KDM2A: variants seen among roughly 807,000 people sequenced by gnomAD.
KDM2A encodes lysine demethylase 2A, also known as lysine-specific demethylase 2A.
KDM2A carries 3 observed loss-of-function variants against 137.3 expected under a neutral mutation model. The ratio of observed to expected loss-of-function variants is 0.02; its 90% CI spans 0.01 to 0.06. The LOEUF (loss-of-function observed/expected upper bound fraction) is 0.06. Ranked by LOEUF, KDM2A falls within the 10% of genes least tolerant of loss-of-function variation. KDM2A has a pLI of 1.00. For missense variants in KDM2A, 738 were observed against 1,510.6 expected, an observed-to-expected ratio of 0.49 and a Z score of 8.48; for synonymous variants, 512 against 541.5, an observed-to-expected ratio of 0.95 and a Z score of 0.76.
intron 2 of KDM2A, among the ~76,000 whole-genome samples, chr11:67,122,613 G>C (rs920005045): frequency 1.3e-5 from 2 of 151,584 alleles, no homozygotes; most frequent in Non-Finnish European, 2.9e-5. Flanking sequence ...GTGAGCCACC[G>C]CGCCTGGCCA....
chr11:67,243,198 G>A (rs1003536775), intron 13 of KDM2A, 106 bp downstream of exon 13: 1 of 754,616 alleles, frequency 1.3e-6, no homozygotes, highest in Non-Finnish European at 2.3e-6. Context: ...GGCTTTTGGT[G>A]CATTAATACA....
chr11:67,239,161 A>G (rs1438780305), intron 12 of KDM2A, among the ~76,000 whole-genome samples: 1 of 152,230 alleles, frequency 6.6e-6, no homozygotes, highest in African/African-American at 2.4e-5. Flanking sequence ...CAAGAGTACA[A>G]TACTGGTATT....
chr11:67,197,456 G>C (rs1463462674), intron 5 of KDM2A, among the ~76,000 whole-genome samples: 1 of 152,224 alleles, frequency 6.6e-6, no homozygotes, highest in Non-Finnish European at 1.5e-5. Context: ...GGGATTACAG[G>C]CGTGAGCCAC....
At chr11:67,139,957 G>T (rs1178067184) in intron 2 of KDM2A, among the ~76,000 whole-genome samples, 1 of 151,970 alleles carries the variant, frequency 6.6e-6, no homozygotes. Flanking sequence ...GTGCATCTTG[G>T]CCTTCCACAG....
intron 2 of KDM2A, among the ~76,000 whole-genome samples, chr11:67,147,470 A>G (rs957303729): frequency 1.5e-4 from 22 of 150,926 alleles, no homozygotes; most frequent in Admixed American, 7.3e-4. Context: ...TGAACCTGGG[A>G]GGTGGAGCTT....
At chr11:67,247,091 T>TTTTTA in intron 15 of KDM2A, among the ~76,000 whole-genome samples, 1 of 103,034 alleles carries the variant, frequency 9.7e-6, no homozygotes, top group Admixed American at 1.0e-4. Context: ...TTTTTTTTTT[T>TTTTTA]TTTTTTTTTT....
At chr11:67,181,220 C>T in intron 3 of KDM2A, 100 bp from the exon 4 acceptor site, 2 of 647,752 alleles carry the variant, frequency 3.1e-6, no homozygotes, top group South Asian at 2.4e-5. Context: ...CACAGAATAA[C>T]AAACACCATT....
chr11:67,161,353 C>T (rs1313802280), intron 2 of KDM2A, among the ~76,000 whole-genome samples: 1 of 152,064 alleles, frequency 6.6e-6, no homozygotes, highest in Non-Finnish European at 1.5e-5. Context: ...TGGAGAGTAT[C>T]TAGTGTATCA....
chr11:67,246,742 T>C (rs1041566136), intron 15 of KDM2A, among the ~76,000 whole-genome samples: 2 of 152,018 alleles, frequency 1.3e-5, no homozygotes, highest in Admixed American at 1.3e-4. Flanking sequence ...AAATCATGAC[T>C]GTCGCCTGAC....
intron 12 of KDM2A, chr11:67,239,907 C>G (rs1159503517): frequency 5.6e-6 from 2 of 354,902 alleles, no homozygotes; most frequent in African/African-American, 2.2e-5. Context: ...TGGCTGAGCT[C>G]TCCTCCCTGG....
At chr11:67,142,848 G>A (rs892425128) in intron 2 of KDM2A, among the ~76,000 whole-genome samples, 1 of 151,738 alleles carries the variant, frequency 6.6e-6, no homozygotes, top group Non-Finnish European at 1.5e-5. Context: ...ATTATATGAA[G>A]TAAATAGTGG....
At chr11:67,147,369 C>T (rs368007948) in intron 2 of KDM2A, among the ~76,000 whole-genome samples, 13 of 151,752 alleles carry the variant, frequency 8.6e-5, no homozygotes, top group African/African-American at 2.2e-4. Flanking sequence ...GGTGAAACCC[C>T]GTCTCTACTA....
chr11:67,187,916 CT>C (rs1186138655), intron 5 of KDM2A, among the ~76,000 whole-genome samples: 1 of 152,076 alleles, frequency 6.6e-6, no homozygotes, highest in Non-Finnish European at 1.5e-5. Flanking sequence ...CAAGAGGGGC[CT>C]GGTATGGTGC....
intron 2 of KDM2A, among the ~76,000 whole-genome samples, chr11:67,143,556 A>G (rs1480873537): frequency 6.6e-6 from 1 of 151,516 alleles, no homozygotes; most frequent in Non-Finnish European, 1.5e-5. Context: ...CTTCCTAATC[A>G]CTACTTTTTC....
chr11:67,127,951 C>G (rs1006751807), intron 2 of KDM2A, among the ~76,000 whole-genome samples: 20 of 149,360 alleles, frequency 1.3e-4, no homozygotes, highest in Admixed American at 1.3e-3. Context: ...GGCAGGCGAT[C>G]TGCCTGCCTC....
chr11:67,152,388 T>C lies in KDM2A; in HGVS notation c.43-27691T>C, dbSNP rs575032827. Among the ~76,000 whole-genome samples the C allele has an allele frequency of 3.9e-5, 6 of 152,038 alleles. No individual in the cohort carries two copies. In the East Asian group the frequency reaches 1.2e-3, roughly 30 times the overall value. ...TCCAAGTATTTTGCGAGGCTGAGGT[T>C]GGAGGGTCGTTTGAGACCAGCCTGG... is the stretch of plus-strand genomic sequence containing the variant. On this transcript the variant is annotated intron_variant, in intron 2 of 20. Coordinates refer to ENST00000529006, the MANE Select transcript of KDM2A (RefSeq NM_012308.3).
At chr11:67,220,102 C>T (rs1252379236) in intron 10 of KDM2A, among the ~76,000 whole-genome samples, 3 of 151,466 alleles carry the variant, frequency 2.0e-5, no homozygotes, top group Admixed American at 6.6e-5. Context: ...CCTCAACCTC[C>T]CTGGGCTCAG....
chr11:67,217,932 T>TG, intron 9 of KDM2A, 48 bp downstream of exon 9: 1 of 1,487,948 alleles, frequency 6.7e-7, no homozygotes, highest in Middle Eastern at 1.8e-4. Context: ...TTTTCCTTAA[T>TG]GAAAAAGAAA....
intron 15 of KDM2A, among the ~76,000 whole-genome samples, chr11:67,246,797 A>C (rs1436259559): frequency 6.6e-6 from 1 of 151,946 alleles, no homozygotes; most frequent in African/African-American, 2.4e-5. Flanking sequence ...GCCCAATTTC[A>C]GAAAGGTTAA....
Sources: gnomAD v4.1 joint callset for allele counts (sites outside exome capture counted in the v4.1 genomes callset) on GRCh38, gnomAD v4.1.1 for gene constraint, MANE v1.5 for transcripts, NCBI Gene and HGNC (gene_info 2026-07-23, HGNC 2026-07-21) for gene names.